Variants in PECAM1 observed in about 807,000 individuals in gnomAD.
PECAM1 encodes platelet endothelial cell adhesion molecule.
In PECAM1, 8 loss-of-function variants were observed where a neutral mutation model predicts 13.8. The observed-to-expected ratio is 0.58, with a 90% CI of 0.34 to 1.05. The LOEUF is 1.05. PECAM1 is among the 50% of genes least tolerant of loss of function. The pLI, the probability that PECAM1 is intolerant of heterozygous loss-of-function variation, is 0.03. For synonymous variants in PECAM1, 136 were observed against 52.6 expected, an observed-to-expected ratio of 2.58 and a Z score of -6.86; for missense variants, 304 against 141.2, an observed-to-expected ratio of 2.15 and a Z score of -5.84.
intron 9 of PECAM1, among the ~76,000 whole-genome samples, chr17:64,354,595 G>C (rs1479084355): frequency 3.9e-5 from 6 of 152,328 alleles, no homozygotes; most frequent in African/African-American, 1.4e-4. Context: ...GCATAGGGTA[G>C]AAGTCACAGC....
At position 64,324,913 on chromosome 17, in the gene PECAM1, C is replaced by A. The variant is rs532716660; in HGVS notation, c.2188-1068G>T. On this transcript the variant is annotated intron_variant, in intron 15 of 15. Transcript: ENST00000563924. ...TTAGTGTTTAATGGGTACAGTGTTT[C>A]AGTGGCTGCTCTGCCTATGGAGTAG... 2.0e-5 allele frequency among the ~76,000 whole-genome samples: 3 copies of A among 152,336 alleles called. No homozygotes were observed. The East Asian group carries it at 5.8e-4, about 29-fold the overall frequency.
intron 7 of PECAM1, among the ~76,000 whole-genome samples, chr17:64,356,622 C>T (rs1029654218): frequency 9.2e-5 from 14 of 151,990 alleles, no homozygotes; most frequent in East Asian, 3.9e-4. Context: ...ATGACAGGTG[C>T]GCCCACCAGG....
intron 9 of PECAM1, among the ~76,000 whole-genome samples, chr17:64,354,306 G>A (rs1330079039): frequency 6.6e-6 from 1 of 152,076 alleles, no homozygotes; most frequent in Non-Finnish European, 1.5e-5. Flanking sequence ...TTTGTAACTC[G>A]AAGCTGGCCT....
chr17:64,361,361 G>A (rs1375492925), intron 6 of PECAM1, among the ~76,000 whole-genome samples: 13 of 151,978 alleles, frequency 8.6e-5, no homozygotes, highest in African/African-American at 2.9e-4. Flanking sequence ...GGCCAGGCTG[G>A]CCTCAAACTC....
chr17:64,370,228 T>C, intron 4 of PECAM1: 1 of 375,962 alleles, frequency 2.7e-6, no homozygotes, highest in Non-Finnish European at 4.7e-6. Flanking sequence ...TCTTCAGGCT[T>C]CTTCACTGCA....
At position 64,319,513 on chromosome 17, in the gene PECAM1, T is replaced by C. The variant is rs1321218326; in HGVS notation, c.*4303A>G. 2 of 152,092 alleles carry C rather than the reference T, an allele frequency of 1.3e-5. No homozygotes were observed. Among genetic ancestry groups the C allele is most frequent in the African/African-American group, 4.8e-5 (2 of 41,400 alleles). The allele number at this position is 152,092 out of a possible 1,614,324, so 9.4% of individuals were successfully genotyped here. ...AGGCAGGCAACTTGAGAGATCTAAG[T>C]GCCCTGCCTGACCCTTAACTTGGGG... On this transcript the variant is annotated 3_prime_UTR_variant, in exon 16 of 16. Coordinates refer to ENST00000563924, the MANE Select transcript of PECAM1 (RefSeq NM_000442.5).
At chr17:64,362,236 G>C (rs1196033352) in intron 6 of PECAM1, among the ~76,000 whole-genome samples, 1 of 152,208 alleles carries the variant, frequency 6.6e-6, no homozygotes, top group Non-Finnish European at 1.5e-5. Flanking sequence ...ATTTTAACCA[G>C]GTCTTGCATG....
At chr17:64,362,512 C>A (rs987222849) in intron 6 of PECAM1, among the ~76,000 whole-genome samples, 3 of 151,882 alleles carry the variant, frequency 2.0e-5, no homozygotes, top group Admixed American at 6.6e-5. Flanking sequence ...ATTATCCGGG[C>A]GTGGTTGCGG....
At chr17:64,354,688 C>T (rs975737826) in intron 9 of PECAM1, among the ~76,000 whole-genome samples, 15 of 152,086 alleles carry the variant, frequency 9.9e-5, no homozygotes, top group East Asian at 1.9e-4. Context: ...GTCTCCAAGA[C>T]ACTTGCACCC....
rs1012990695 is a variant in PECAM1, at chr17:64,334,635, T to C, written c.2165-4913A>G. ...ACCATTCTCCTGCCTCAGCCTCCCA[T>C]GTAGCTGGACTACAGGCGCCCGCCA... On this transcript the variant is annotated intron_variant, in intron 14 of 15. Coordinates refer to ENST00000563924, the MANE Select transcript of PECAM1 (RefSeq NM_000442.5). 7.2e-5 allele frequency among the ~76,000 whole-genome samples: 11 copies of C among 151,986 alleles called. 1 individual carries two copies. The highest frequency in any genetic ancestry group is 1.3e-4 in the Non-Finnish European group (9 of 67,994).
intron 4 of PECAM1, among the ~76,000 whole-genome samples, chr17:64,372,955 A>T (rs1445261432): frequency 1.3e-5 from 2 of 150,972 alleles, no homozygotes; most frequent in African/African-American, 4.8e-5. Flanking sequence ...TCTCAACTAA[A>T]AATACAAAAT....
intron 7 of PECAM1, among the ~76,000 whole-genome samples, chr17:64,358,978 A>G (rs1598029296): frequency 6.6e-6 from 1 of 151,868 alleles, no homozygotes; most frequent in East Asian, 1.9e-4. Flanking sequence ...TTGTATTTTT[A>G]TTAGAGACAG....
intron 12 of PECAM1, among the ~76,000 whole-genome samples, chr17:64,348,626 C>T (rs2035640141): frequency 6.6e-6 from 1 of 151,896 alleles, no homozygotes; most frequent in Admixed American, 6.6e-5. Flanking sequence ...TTAGTAGAGA[C>T]AGGGTTTCAC....
chr17:64,321,797 G>C lies in PECAM1; in HGVS notation c.*2019C>G. The C allele has an allele frequency of 7.5e-7, 1 of 1,333,562 alleles. No individual in the cohort carries two copies. Among genetic ancestry groups the C allele is most frequent in the South Asian group, 1.1e-5 (1 of 87,344 alleles). The allele number at this position is 1,333,562 out of a possible 1,614,324, so 82.6% of individuals were successfully genotyped here. A position where few individuals can be genotyped will look rare whatever the true frequency, so the allele number is the denominator to read the frequency against. ...ACAAAACAAAAAATTCAGTCGTGCTGCATAAGTAAGGCACCAGGAGTAGGA... is the reference window on the plus strand; with the variant it reads ...ACAAAACAAAAAATTCAGTCGTGCTCCATAAGTAAGGCACCAGGAGTAGGA... On this transcript the variant is annotated 3_prime_UTR_variant, in exon 16 of 16. Coordinates refer to ENST00000563924, the MANE Select transcript of PECAM1 (RefSeq NM_000442.5).
At chr17:64,329,366 T>C (rs1335609318) in intron 15 of PECAM1, among the ~76,000 whole-genome samples, 2 of 152,100 alleles carry the variant, frequency 1.3e-5, no homozygotes, top group Non-Finnish European at 2.9e-5. Flanking sequence ...TGTCAGCTGC[T>C]CCACTCCTCC....
In PECAM1 at chr17:64,343,568, C is replaced by T. The variant is rs909556911; in HGVS notation, c.2108-1878G>A. Among the ~76,000 whole-genome samples, 273 of 152,298 alleles carry T rather than the reference C, an allele frequency of 1.8e-3. 2 individuals are homozygous for T. Among genetic ancestry groups the T allele is most frequent in the Middle Eastern group, 3.4e-3 (1 of 294 alleles). ...GCTCAGCTGCCTGGGGGCACCTGTCCAAGTTTGAAGTGACAGTAATGGTGG... is the reference window on the plus strand; with the variant it reads ...GCTCAGCTGCCTGGGGGCACCTGTCTAAGTTTGAAGTGACAGTAATGGTGG... On this transcript the variant is annotated intron_variant, in intron 13 of 15. Coordinates refer to ENST00000563924, the MANE Select transcript of PECAM1 (RefSeq NM_000442.5).
intron 2 of PECAM1, among the ~76,000 whole-genome samples, chr17:64,380,816 G>A (rs952958892): frequency 1.8e-4 from 28 of 152,156 alleles, no homozygotes; most frequent in South Asian, 6.2e-4. Flanking sequence ...GTGAAACCCC[G>A]TCTCTACCAA....
chr17:64,332,347 C>T (rs946393760), intron 14 of PECAM1, among the ~76,000 whole-genome samples: 1 of 132,898 alleles, frequency 7.5e-6, no homozygotes, highest in East Asian at 2.5e-4. Flanking sequence ...TCCTAGTCCC[C>T]TAAGGGCTCT....
At chr17:64,383,707 A>G (rs903631989) in intron 2 of PECAM1, among the ~76,000 whole-genome samples, 1 of 152,228 alleles carries the variant, frequency 6.6e-6, no homozygotes, top group South Asian at 2.1e-4. Context: ...CCCTTTTTAA[A>G]AAACAATTTT....
Sources: allele counts gnomAD v4.1 joint callset (sites outside exome capture counted in the v4.1 genomes callset), GRCh38; gene constraint gnomAD v4.1.1; transcripts MANE v1.5; gene names NCBI Gene and HGNC (gene_info 2026-07-23, HGNC 2026-07-21).